KATNAL2: variants seen among roughly 807,000 people sequenced by gnomAD.
KATNAL2 encodes katanin catalytic subunit A1 like 2, also known as katanin p60 ATPase-containing subunit A-like 2.
In KATNAL2, 52 loss-of-function variants were observed where a neutral mutation model predicts 76.3. The ratio of observed to expected loss-of-function variants is 0.68; its 90% CI spans 0.55 to 0.86. KATNAL2 has a LOEUF of 0.86. Ranked by LOEUF, KATNAL2 falls within the 40% of genes least tolerant of loss-of-function variation. The pLI is 0.00. For synonymous variants in KATNAL2, 243 were observed against 244.2 expected (o/e 1.00, Z 0.05); for missense variants, 660 against 668.9 (o/e 0.99, Z 0.15).
intron 1 of KATNAL2, among the ~76,000 whole-genome samples, chr18:46,926,591 T>G (rs1444512951): frequency 1.3e-5 from 2 of 152,168 alleles, no homozygotes; most frequent in Admixed American, 1.3e-4. Flanking sequence ...TCTGTAGATG[T>G]CTATTAGGTC....
intron 2 of KATNAL2, 73 bp downstream of exon 2, chr18:46,946,619 G>T: frequency 1.5e-5 from 14 of 942,204 alleles, no homozygotes; most frequent in Non-Finnish European, 1.8e-5. Context: ...AGCCCGCCCT[G>T]TGCTCTAACA....
At chr18:46,960,620 T>C (rs1015503198) in intron 3 of KATNAL2, among the ~76,000 whole-genome samples, 1 of 152,196 alleles carries the variant, frequency 6.6e-6, no homozygotes, top group African/African-American at 2.4e-5. Context: ...CATATGAAGC[T>C]GCTCTCATAA....
chr18:46,950,547 A>G (rs1309842891), intron 3 of KATNAL2, among the ~76,000 whole-genome samples: 1 of 152,190 alleles, frequency 6.6e-6, no homozygotes, highest in Non-Finnish European at 1.5e-5. Flanking sequence ...GCAGCACATC[A>G]CTTAAAATTA....
chr18:47,100,453 A>G lies in KATNAL2; in HGVS notation c.1477+97A>G. 4 of 944,748 alleles carry G rather than the reference A, an allele frequency of 4.2e-6. 1 individual carries two copies. Among genetic ancestry groups the G allele is most frequent in the Non-Finnish European group, 6.5e-6 (4 of 618,140 alleles). 58.5% of individuals were successfully genotyped at this position (944,748 alleles called of 1,614,324 possible). A position where few individuals can be genotyped will look rare whatever the true frequency, so the allele number is the denominator to read the frequency against. ...TGGCGCCTGTTCTTGGTGCCGCTTT[A>G]CACTTGGCAATGCGTTTTTTGGTCA... On this transcript the variant is annotated intron_variant, in intron 17 of 17. Coordinates refer to ENST00000683218, the MANE Select transcript of KATNAL2 (RefSeq NM_001387690.1).
intron 15 of KATNAL2, among the ~76,000 whole-genome samples, chr18:47,090,712 T>C (rs527641197): frequency 1.6e-4 from 24 of 152,262 alleles, no homozygotes; most frequent in African/African-American, 2.9e-4. Flanking sequence ...CGACTTTTGA[T>C]AGACAAAGTG....
intron 13 of KATNAL2, 34 bp downstream of exon 13, chr18:47,069,634 TTC>T (rs1394759215): frequency 6.9e-7 from 1 of 1,446,044 alleles, no homozygotes; most frequent in South Asian, 1.2e-5. Flanking sequence ...TAAAAATAAG[TTC>T]TAGTGTAATA....
At position 47,047,477 on chromosome 18, in the gene KATNAL2, C is replaced by T. The variant is rs564249863; in HGVS notation, c.122+950C>T. ...ACCTAAACCCAACTCTCTTCTTCCT[C>T]GCAATGCCCATTCTATAACTGGCAG... On this transcript the variant is annotated intron_variant, in intron 4 of 17. Transcript: ENST00000683218. Among the ~76,000 whole-genome samples the T allele has an allele frequency of 2.3e-4, 35 of 152,234 alleles. No individual in the cohort carries two copies. In the South Asian group the frequency reaches 7.1e-3, roughly 31 times the overall value.
At chr18:46,962,074 C>A (rs1310160719) in intron 3 of KATNAL2, among the ~76,000 whole-genome samples, 1 of 152,174 alleles carries the variant, frequency 6.6e-6, no homozygotes, top group Non-Finnish European at 1.5e-5. Context: ...GCATAGGCTG[C>A]TGGCACTATT....
chr18:47,034,322 T>C lies in KATNAL2; in HGVS notation c.52-12135T>C, dbSNP rs146549538. 1.2e-4 allele frequency: 188 copies of C among 1,612,736 alleles called. 2 individuals carry two copies. The East Asian group carries it at 3.9e-3, about 33-fold the overall frequency. ...CGGCCGTCTAGACTGGGCCTCTTCTTGTTCGAGTGACTGTGCTGAGGCCTC... is the reference window on the plus strand; with the variant it reads ...CGGCCGTCTAGACTGGGCCTCTTCTCGTTCGAGTGACTGTGCTGAGGCCTC... On this transcript the variant is annotated intron_variant, in intron 3 of 17. Coordinates refer to ENST00000683218, the MANE Select transcript of KATNAL2 (RefSeq NM_001387690.1).
chr18:47,095,286 T>TA (rs1353411155), intron 15 of KATNAL2, among the ~76,000 whole-genome samples: 2 of 152,228 alleles, frequency 1.3e-5, no homozygotes, highest in African/African-American at 2.4e-5. Flanking sequence ...AAGTGTAATA[T>TA]GGTTTGGCTG....
rs941512813 is a variant in KATNAL2 at position 47,090,113 on chromosome 18, C to CT, written c.1212-9119dup. Among the ~76,000 whole-genome samples the CT allele has an allele frequency of 2.5e-3, 366 of 148,250 alleles. 4 individuals are homozygous for CT. The highest frequency in any genetic ancestry group is 5.8e-3 in the Admixed American group (86 of 14,860). Reference sequence around the variant, plus strand: ...ATGCCCAGCTGAACTAGTATTTCTTCTTTTTTTTTTTGAGACAGAGTCTCA... The same window carrying CT: ...ATGCCCAGCTGAACTAGTATTTCTTCTTTTTTTTTTTTGAGACAGAGTCTCA... On this transcript the variant is annotated intron_variant, in intron 15 of 17. Transcript: ENST00000683218.
At chr18:47,093,477 T>C (rs896405451) in intron 15 of KATNAL2, among the ~76,000 whole-genome samples, 1 of 151,594 alleles carries the variant, frequency 6.6e-6, no homozygotes, top group African/African-American at 2.4e-5. Context: ...AAACCATTTC[T>C]TTCTCATTTC....
chr18:46,938,464 G>T (rs143042328), intron 1 of KATNAL2, among the ~76,000 whole-genome samples: 1 of 152,306 alleles, frequency 6.6e-6, no homozygotes, highest in African/African-American at 2.4e-5. Flanking sequence ...GGATTTGATA[G>T]ATCTGGAAGG....
intron 1 of KATNAL2, among the ~76,000 whole-genome samples, chr18:46,930,620 A>G (rs1331879351): frequency 6.6e-6 from 1 of 152,014 alleles, no homozygotes; most frequent in Non-Finnish European, 1.5e-5. Flanking sequence ...GTTCGAGACC[A>G]GCCTGGCCAA....
chr18:47,069,636 C>G lies in KATNAL2; in HGVS notation c.1008+36C>G, dbSNP rs377350658. 12 of 1,400,418 alleles carry G rather than the reference C, an allele frequency of 8.6e-6. No homozygotes were observed. In the African/African-American group the frequency reaches 1.3e-4, roughly 15 times the overall value. The allele number at this position is 1,400,418 out of a possible 1,614,324, so 86.7% of individuals were successfully genotyped here. On this transcript the variant is annotated intron_variant, in intron 13 of 17. Transcript: ENST00000683218. ...TTAATTTTGTTTTTAAAAATAAGTT[C>G]TAGTGTAATACAGTGGTACAAAATG...
chr18:47,050,195 T>A (rs16950217), intron 4 of KATNAL2, among the ~76,000 whole-genome samples: 1 of 151,952 alleles, frequency 6.6e-6, no homozygotes, highest in South Asian at 2.1e-4. Flanking sequence ...TCTTTTTTTT[T>A]TCTCAGACCA....
chr18:47,068,090 T>C (rs1322282111), intron 11 of KATNAL2, among the ~76,000 whole-genome samples: 1 of 152,234 alleles, frequency 6.6e-6, no homozygotes, highest in East Asian at 1.9e-4. Flanking sequence ...ATTTTTTTGC[T>C]AGTCTTATAT....
chr18:46,938,823 A>C (rs1378025063), intron 1 of KATNAL2, among the ~76,000 whole-genome samples: 1 of 152,090 alleles, frequency 6.6e-6, no homozygotes, highest in African/African-American at 2.4e-5. Context: ...TAGTGTCACT[A>C]TCCTTCCTCC....
At chr18:47,037,099 C>T (rs1344093210) in intron 3 of KATNAL2, among the ~76,000 whole-genome samples, 1 of 152,080 alleles carries the variant, frequency 6.6e-6, no homozygotes, top group African/African-American at 2.4e-5. Context: ...AAGCTTAATG[C>T]AAAATTTGGA....
Sources: allele counts gnomAD v4.1 joint callset (sites outside exome capture counted in the v4.1 genomes callset), GRCh38; gene constraint gnomAD v4.1.1; transcripts MANE v1.5; gene names NCBI Gene and HGNC (gene_info 2026-07-23, HGNC 2026-07-21).